Variants in MAVS observed in about 807,000 individuals in gnomAD.
MAVS encodes the protein mitochondrial antiviral signaling protein, also known as mitochondrial antiviral-signaling protein.
A neutral mutation model predicts 30.2 loss-of-function variants in MAVS; 20 were observed. The ratio of observed to expected loss-of-function variants is 0.66; its 90% CI spans 0.47 to 0.96. MAVS has a LOEUF of 0.96. Ranked by LOEUF, MAVS falls within the 40% of genes least tolerant of loss-of-function variation. The pLI, the probability that MAVS is intolerant of heterozygous loss-of-function variation, is 0.00. For missense variants in MAVS, 624 were observed against 701.1 expected, an observed-to-expected ratio of 0.89 and a Z score of 1.24; for synonymous variants, 278 against 293.9, an observed-to-expected ratio of 0.95 and a Z score of 0.55.
intron 2 of MAVS, among the ~76,000 whole-genome samples, chr20:3,855,480 C>A (rs2089801795): frequency 6.6e-6 from 1 of 152,126 alleles, no homozygotes; most frequent in Non-Finnish European, 1.5e-5. Context: ...GCTCTAGCCC[C>A]AACAGAACTT....
chr20:3,866,603 A>C lies in MAVS; in HGVS notation c.*456A>C. Reference sequence around the variant, plus strand: ...GGCGACTCCACAAGACCTGCCTCCCATCCTGGCAGCCCAGCCTGAGACCGT... The same window carrying C: ...GGCGACTCCACAAGACCTGCCTCCCCTCCTGGCAGCCCAGCCTGAGACCGT... On this transcript the variant is annotated 3_prime_UTR_variant, in exon 7 of 7. Coordinates refer to ENST00000428216, the MANE Select transcript of MAVS (RefSeq NM_020746.5). 2.8e-6 allele frequency: 1 copy of C among 351,726 alleles called. No individual in the cohort carries two copies. Among genetic ancestry groups the C allele is most frequent in the Non-Finnish European group, 5.6e-6 (1 of 178,768 alleles). 21.8% of individuals were successfully genotyped at this position (351,726 alleles called of 1,614,324 possible).
intron 3 of MAVS, among the ~76,000 whole-genome samples, chr20:3,859,988 T>C (rs1309586859): frequency 6.6e-6 from 1 of 150,830 alleles, no homozygotes; most frequent in African/African-American, 2.4e-5. Context: ...GGCTAACTTT[T>C]TGTATTTTTT....
chr20:3,854,423 T>TAA (rs2089790979), intron 1 of MAVS, 135 bp from the exon 2 acceptor site: 1 of 187,482 alleles, frequency 5.3e-6, no homozygotes. Flanking sequence ...AGACTCGCTC[T>TAA]CAAAAAAAAA....
chr20:3,855,237 C>G (rs1331752703), intron 2 of MAVS, among the ~76,000 whole-genome samples: 9 of 152,136 alleles, frequency 5.9e-5, no homozygotes, highest in African/African-American at 2.2e-4. Flanking sequence ...GCGTTGCTGA[C>G]TTCGCCGAGC....
In MAVS at chr20:3,865,592, GTTC is replaced by G; in HGVS notation, c.1159-90_1159-88del. 8.1e-7 allele frequency: 1 copy of G among 1,230,350 alleles called. No individual in the cohort carries two copies. The highest frequency in any genetic ancestry group is 1.1e-6 in the Non-Finnish European group (1 of 894,370). The allele number at this position is 1,230,350 out of a possible 1,614,324, so 76.2% of individuals were successfully genotyped here. On this transcript the variant is annotated intron_variant, in intron 6 of 6. Transcript: ENST00000428216. The surrounding 1 kb of genome is among the most constrained non-coding windows in gnomAD (Gnocchi z 4.7). Reference sequence around the variant, plus strand: ...TGGGAATTGAGGGGTTGGAGTGTTAGTTCATGCCCTGGCCTGGGAATGGGACCG... The same window carrying G: ...TGGGAATTGAGGGGTTGGAGTGTTAGATGCCCTGGCCTGGGAATGGGACCG...
chr20:3,862,264 A>C lies in MAVS; in HGVS notation c.476A>C (p.Gln159Pro). 1 of 1,613,466 alleles carries C rather than the reference A, an allele frequency of 6.2e-7. No homozygotes were observed. Among genetic ancestry groups the C allele is most frequent in the Non-Finnish European group, 8.5e-7 (1 of 1,179,816 alleles). The change falls in exon 5 of 7, where the codon CAA becomes CCA. Residue 159 changes from glutamine to proline, a missense_variant. Transcript: ENST00000428216. ...APESPGENSE[Q>P]ALQTLSPRAI... ...TTTCCCTCATTGCAGAATTCAGAGC[A>C]AGCCCTGCAGACGCTCAGCCCCAGA...
chr20:3,860,049 CCT>C (rs2089853033), intron 3 of MAVS, among the ~76,000 whole-genome samples: 1 of 152,136 alleles, frequency 6.6e-6, no homozygotes, highest in African/African-American at 2.4e-5. Context: ...GATCTCCTGA[CCT>C]CGTGATCCAC....
chr20:3,854,891 C>CAT, intron 2 of MAVS, 150 bp downstream of exon 2: 1 of 303,536 alleles, frequency 3.3e-6, no homozygotes, highest in Non-Finnish European at 5.8e-6. Context: ...TGCTGCTTTT[C>CAT]TTTTTTTTTT....
Position 3,868,231 on chromosome 20 carries a change from C to G in MAVS, c.*2084C>G, listed in dbSNP as rs990891827. ...CTTAAAAAGCCCTCTGTCCCCCTAC[C>G]CTAAACCCCAGTTAGGTACCCATGC... On this transcript the variant is annotated 3_prime_UTR_variant, in exon 7 of 7. Coordinates refer to ENST00000428216, the MANE Select transcript of MAVS (RefSeq NM_020746.5). The G allele has an allele frequency of 6.6e-6, 1 of 152,350 alleles. No homozygotes were observed. The highest frequency in any genetic ancestry group is 2.4e-5 in the African/African-American group (1 of 41,446). The allele number at this position is 152,350 out of a possible 1,614,324, so 9.4% of individuals were successfully genotyped here.
At chr20:3,849,491 C>A (rs539655380) in intron 1 of MAVS, among the ~76,000 whole-genome samples, 16 of 152,332 alleles carry the variant, frequency 1.1e-4, no homozygotes, top group African/African-American at 3.8e-4. Context: ...AGGCGTGAGT[C>A]ACGCAGCCAG....
chr20:3,866,329 T>G lies in MAVS; in HGVS notation c.*182T>G. The G allele has an allele frequency of 1.8e-4, 110 of 613,716 alleles. No individual in the cohort carries two copies. Among genetic ancestry groups the G allele is most frequent in the East Asian group, 3.4e-4 (12 of 35,116 alleles). The allele number at this position is 613,716 out of a possible 1,614,324, so 38.0% of individuals were successfully genotyped here. A position where few individuals can be genotyped will look rare whatever the true frequency, so the allele number is the denominator to read the frequency against. On this transcript the variant is annotated 3_prime_UTR_variant, in exon 7 of 7. Transcript: ENST00000428216. The stretch of plus-strand genomic sequence containing the variant: ...AACCAAGTCCTGAGAGCAGCATCTC[T>G]GTCCCCACGGTGCCTTGTGTGGGTC...
At chr20:3,853,171 A>G (rs1433084831) in intron 1 of MAVS, among the ~76,000 whole-genome samples, 1 of 146,252 alleles carries the variant, frequency 6.8e-6, no homozygotes, top group Non-Finnish European at 1.5e-5. Flanking sequence ...TCAGGCAGTA[A>G]TAAAATAGGA....
Position 3,865,858 on chromosome 20 carries a change from C to A in MAVS, c.1334C>A (p.Thr445Asn). ...CFEDLAISAS[T>N]SLGMGPCHGP... is the part of the protein sequence containing the mutation. ...GAGGATCTTGCCATCAGTGCCAGCA[C>A]CTCCTTGGGCATGGGGCCCTGCCAT... Residue 445 changes from threonine (T) to asparagine (N), a missense_variant, in exon 7 of 7, where the codon ACC becomes AAC. By Grantham distance (65) the Thr-to-Asn change is moderately conservative (BLOSUM62 0). Coordinates refer to ENST00000428216, the MANE Select transcript of MAVS (RefSeq NM_020746.5). This position sits in a 1 kb window ranked among gnomAD's most constrained non-coding sequence, Gnocchi z 4.7. 1.2e-6 allele frequency: 2 copies of A among 1,614,070 alleles called. No homozygotes were observed. The highest frequency in any genetic ancestry group is 1.7e-6 in the Non-Finnish European group (2 of 1,180,038).
chr20:3,865,189 C>G lies in MAVS; in HGVS notation c.1158+401C>G, dbSNP rs891691941. Among the ~76,000 whole-genome samples, 1 of 152,234 alleles carries G rather than the reference C, an allele frequency of 6.6e-6. No homozygotes were observed. The highest frequency in any genetic ancestry group is 2.4e-5 in the African/African-American group (1 of 41,466). On this transcript the variant is annotated intron_variant, in intron 6 of 6. Transcript: ENST00000428216. The surrounding 1 kb of genome is among the most constrained non-coding windows in gnomAD (Gnocchi z 4.7). ...CTTCACCAGGATGCCTGGTGTGTCC[C>G]TCCATGGCCAGGCTTTACAGAACGC... is the stretch of plus-strand genomic sequence containing the variant.
rs1420243641 is a variant in MAVS at position 3,868,789 on chromosome 20, A to G, written c.*2642A>G. ...CTACATGGGAGGCTGAGGTGGGAAG[A>G]TAAGTCACTTGAGCCCGCCAGGAGG... On this transcript the variant is annotated 3_prime_UTR_variant, in exon 7 of 7. Transcript: ENST00000428216. 6.6e-6 allele frequency: 1 copy of G among 151,918 alleles called. No homozygotes were observed. The highest frequency in any genetic ancestry group is 1.5e-5 in the Non-Finnish European group (1 of 67,998). The allele number at this position is 151,918 out of a possible 1,614,324, so 9.4% of individuals were successfully genotyped here.
chr20:3,854,266 CA>C (rs1210703980), intron 1 of MAVS, among the ~76,000 whole-genome samples: 6 of 150,786 alleles, frequency 4.0e-5, no homozygotes, highest in African/African-American at 1.5e-4. Flanking sequence ...ACTAAAAATA[CA>C]AAAATTAGCT....
rs527767858 is a variant in MAVS, at chr20:3,860,064, G to A, written c.293-1268G>A. On this transcript the variant is annotated intron_variant, in intron 3 of 6. Coordinates refer to ENST00000428216, the MANE Select transcript of MAVS (RefSeq NM_020746.5). ...GATCTCCTGACCTCGTGATCCACCC[G>A]CCTCGGCCTCCCAAAGTGCTGGGAT... Among the ~76,000 whole-genome samples the A allele has an allele frequency of 7.2e-5, 11 of 152,128 alleles. No individual in the cohort carries two copies. The South Asian group carries it at 8.3e-4, about 11-fold the overall frequency.
At position 3,876,061 on chromosome 20, in the gene MAVS, AG is replaced by A. The variant is rs1392845616; in HGVS notation, c.*9915del. The A allele has an allele frequency of 1.7e-4, 26 of 152,308 alleles. No individual in the cohort carries two copies. Among genetic ancestry groups the A allele is most frequent in the African/African-American group, 5.6e-4 (23 of 41,430 alleles). The allele number at this position is 152,308 out of a possible 1,614,324, so 9.4% of individuals were successfully genotyped here. A position where few individuals can be genotyped will look rare whatever the true frequency, so the allele number is the denominator to read the frequency against. Reference sequence around the variant, plus strand: ...TACTTGCTGTCATGATGATGTCCTTAGAATTGTGAGCCCGTGGACACTTCTG... The same window carrying A: ...TACTTGCTGTCATGATGATGTCCTTAAATTGTGAGCCCGTGGACACTTCTG... On this transcript the variant is annotated 3_prime_UTR_variant, in exon 7 of 7. Coordinates refer to ENST00000428216, the MANE Select transcript of MAVS (RefSeq NM_020746.5).
intron 6 of MAVS, 120 bp downstream of exon 6, chr20:3,864,908 T>TGCCCTCAAGGAGA: frequency 1.6e-6 from 2 of 1,255,262 alleles, no homozygotes; most frequent in Non-Finnish European, 2.2e-6. Flanking sequence ...TGCTGCTCTG[T>TGCCCTCAAGGAGA]GGCCTCTCCT....
Sources: gnomAD v4.1 joint callset for allele counts (sites outside exome capture counted in the v4.1 genomes callset) on GRCh38, gnomAD v4.1.1 for gene constraint, Gnocchi (gnomAD v3.1) non-coding constraint, MANE v1.5 for transcripts, NCBI Gene and HGNC (gene_info 2026-07-23, HGNC 2026-07-21) for gene names.